Variants in CACNA2D3 observed in about 807,000 individuals in gnomAD.
CACNA2D3 encodes voltage-dependent calcium channel subunit alpha-2/delta-3.
In CACNA2D3, 60 loss-of-function variants were observed where a neutral mutation model predicts 160.6. The observed-to-expected ratio is 0.37, with a 90% CI of 0.30 to 0.46. The LOEUF (loss-of-function observed/expected upper bound fraction) is 0.46. Among genes scored for constraint, CACNA2D3 ranks in the 20% least tolerant of loss-of-function variants. The pLI, the probability that CACNA2D3 is intolerant of heterozygous loss-of-function variation, is 1.00. For synonymous variants in CACNA2D3, 558 were observed against 492.9 expected (o/e 1.13, Z -1.75); for missense variants, 1,205 against 1,365.0 (o/e 0.88, Z 1.85).
At position 54,226,072 on chromosome 3, in the gene CACNA2D3, C is replaced by T. The variant is rs193269972; in HGVS notation, c.205-94370C>T. ...AGTAGTCCAGACTGAAAGCCTGGAG[C>T]GTTTACCAGCGTTTCTCAATGTCAT... On this transcript the variant is annotated intron_variant, in intron 2 of 37. Transcript: ENST00000474759. 1.3e-3 allele frequency among the ~76,000 whole-genome samples: 200 copies of T among 152,150 alleles called. 1 individual carries two copies. The highest frequency in any genetic ancestry group is 1.9e-3 in the Non-Finnish European group (127 of 67,990).
At chr3:54,725,136 T>C (rs972060461) in intron 11 of CACNA2D3, among the ~76,000 whole-genome samples, 1 of 152,136 alleles carries the variant, frequency 6.6e-6, no homozygotes, top group African/African-American at 2.4e-5. Context: ...TATAAACACC[T>C]CTATGCAAAT....
intron 9 of CACNA2D3, among the ~76,000 whole-genome samples, chr3:54,611,499 A>T (rs1025167785): frequency 6.6e-6 from 1 of 152,174 alleles, no homozygotes; most frequent in Non-Finnish European, 1.5e-5. Context: ...TTGGTGTGCC[A>T]CTTATTGATT....
intron 4 of CACNA2D3, among the ~76,000 whole-genome samples, chr3:54,443,917 G>A (rs1700182090): frequency 6.6e-6 from 1 of 152,136 alleles, no homozygotes; most frequent in Non-Finnish European, 1.5e-5. Context: ...GCATGGGGAG[G>A]ATTTGGCTTT....
intron 5 of CACNA2D3, among the ~76,000 whole-genome samples, chr3:54,537,740 G>A (rs1701911373): frequency 6.6e-6 from 1 of 152,090 alleles, no homozygotes. Flanking sequence ...TTTGCCTTGA[G>A]GTCCTCACTC....
At chr3:55,049,198 G>T (rs57028323) in intron 35 of CACNA2D3, among the ~76,000 whole-genome samples, 1 of 150,700 alleles carries the variant, frequency 6.6e-6, no homozygotes, top group African/African-American at 2.5e-5. Context: ...TGATGTTAGG[G>T]TGTCAATTTT....
At chr3:55,044,600 C>CT (rs113048712) in intron 35 of CACNA2D3, among the ~76,000 whole-genome samples, 6 of 150,958 alleles carry the variant, frequency 4.0e-5, no homozygotes, top group East Asian at 1.9e-4. Flanking sequence ...TTTATTTCTT[C>CT]TTTTTTTTTC....
intron 27 of CACNA2D3, among the ~76,000 whole-genome samples, chr3:54,955,570 C>G (rs1160880185): frequency 6.6e-6 from 1 of 152,174 alleles, no homozygotes; most frequent in East Asian, 1.9e-4. Flanking sequence ...AACGTTGATT[C>G]TGAGGCAGCT....
At chr3:55,009,226 C>T (rs1241586864) in intron 33 of CACNA2D3, among the ~76,000 whole-genome samples, 162 bp from the exon 34 acceptor site, 1 of 152,180 alleles carries the variant, frequency 6.6e-6, no homozygotes, top group Non-Finnish European at 1.5e-5. Context: ...GAAAGATAAA[C>T]CCCTGTGAAA....
At chr3:54,672,841 C>T (rs1252733027) in intron 11 of CACNA2D3, among the ~76,000 whole-genome samples, 3 of 152,190 alleles carry the variant, frequency 2.0e-5, no homozygotes, top group African/African-American at 7.2e-5. Context: ...AAGCCCATAG[C>T]ATGGTGGCTG....
At chr3:54,564,807 C>T (rs1241391323) in intron 6 of CACNA2D3, among the ~76,000 whole-genome samples, 1 of 152,158 alleles carries the variant, frequency 6.6e-6, no homozygotes, top group African/African-American at 2.4e-5. Flanking sequence ...ATTTTGTTTG[C>T]AAGGGACAGA....
Position 54,736,091 on chromosome 3 carries a change from ATATATATACATATATATG to A in CACNA2D3, c.1168-16499_1168-16482del, listed in dbSNP as rs1701514793. Among the ~76,000 whole-genome samples the A allele has an allele frequency of 2.9e-4, 5 of 16,962 alleles. 1 individual carries two copies. Among genetic ancestry groups the A allele is most frequent in the Non-Finnish European group, 5.9e-4 (4 of 6,752 alleles). The allele number at this position is 16,962 out of a possible 152,430, so 11.1% of individuals were successfully genotyped here. A position where few individuals can be genotyped will look rare whatever the true frequency, so the allele number is the denominator to read the frequency against. On this transcript the variant is annotated intron_variant, in intron 11 of 37. Transcript: ENST00000474759. ...TATATATACATATATATGTATGTGTATATATATACATATATATGTATATATATACATATATATATGTAT... is the reference window on the plus strand; with the variant it reads ...TATATATACATATATATGTATGTGTATATATATATACATATATATATGTAT...
At chr3:54,629,688 G>T (rs957532879) in intron 10 of CACNA2D3, among the ~76,000 whole-genome samples, 1 of 152,226 alleles carries the variant, frequency 6.6e-6, no homozygotes. Context: ...CTAGGCTGCT[G>T]GGCAGGTGCC....
At chr3:54,286,574 G>C (rs1703033372) in intron 2 of CACNA2D3, among the ~76,000 whole-genome samples, 2 of 152,144 alleles carry the variant, frequency 1.3e-5, no homozygotes, top group Admixed American at 1.3e-4. Context: ...AGGAAATACA[G>C]AGAACGCCAC....
chr3:54,651,247 A>G (rs1699758527), intron 11 of CACNA2D3, among the ~76,000 whole-genome samples: 1 of 152,120 alleles, frequency 6.6e-6, no homozygotes, highest in South Asian at 2.1e-4. Flanking sequence ...CGTTGATCTT[A>G]GATTAGAACC....
At position 54,925,204 on chromosome 3, in the gene CACNA2D3, G is replaced by A. The variant is rs768442169; in HGVS notation, c.2449+25336G>A. The A allele has an allele frequency of 6.6e-5, 106 of 1,610,786 alleles. 1 individual carries two copies. The South Asian group carries it at 1.1e-3, about 17-fold the overall frequency. On this transcript the variant is annotated intron_variant, in intron 27 of 37. Coordinates refer to ENST00000474759, the MANE Select transcript of CACNA2D3 (RefSeq NM_018398.3). ...AGCAGGACAATCACACTGGAAAACA[G>A]GAGCAGTTCACCTACAACAAACAGA...
At chr3:54,261,034 T>A (rs1702391951) in intron 2 of CACNA2D3, among the ~76,000 whole-genome samples, 1 of 152,240 alleles carries the variant, frequency 6.6e-6, no homozygotes, top group Non-Finnish European at 1.5e-5. Flanking sequence ...TAGTCTGTTT[T>A]ATTCCCTGCT....
chr3:54,216,351 ATTATCT>A (rs1366334203), intron 2 of CACNA2D3, among the ~76,000 whole-genome samples: 4 of 152,168 alleles, frequency 2.6e-5, no homozygotes, highest in African/African-American at 9.7e-5. Context: ...GCGTGTTTTG[ATTATCT>A]TTAAGTATTC....
At chr3:54,245,097 T>TAA (rs1420883067) in intron 2 of CACNA2D3, among the ~76,000 whole-genome samples, 2 of 152,222 alleles carry the variant, frequency 1.3e-5, no homozygotes, top group African/African-American at 4.8e-5. Context: ...ATTAATGTCA[T>TAA]TCCCTTTCAA....
chr3:54,329,716 A>G (rs954038486), intron 3 of CACNA2D3, among the ~76,000 whole-genome samples: 11 of 152,240 alleles, frequency 7.2e-5, no homozygotes, highest in African/African-American at 2.4e-4. Context: ...ATGTGTTACC[A>G]TCAAGAGATC....
Sources: gnomAD v4.1 joint callset for allele counts (sites outside exome capture counted in the v4.1 genomes callset) on GRCh38, gnomAD v4.1.1 for gene constraint, MANE v1.5 for transcripts, NCBI Gene and HGNC (gene_info 2026-07-23, HGNC 2026-07-21) for gene names.